The following MRTFB variants were observed in gnomAD, a reference collection of about 807,000 sequenced individuals.
MRTFB encodes the protein myocardin-related transcription factor B.
In MRTFB, 29 loss-of-function variants were observed where a neutral mutation model predicts 104.2. The ratio of observed to expected loss-of-function variants is 0.28; its 90% CI spans 0.21 to 0.38. MRTFB has a LOEUF of 0.38. MRTFB is among the 10% of genes least tolerant of loss of function. The pLI is 1.00. For synonymous variants in MRTFB, 535 were observed against 519.5 expected, an observed-to-expected ratio of 1.03 and a Z score of -0.41; for missense variants, 1,270 against 1,341.6, an observed-to-expected ratio of 0.95 and a Z score of 0.83.
intron 3 of MRTFB, among the ~76,000 whole-genome samples, chr16:14,148,416 TG>T (rs1275525353): frequency 5.3e-5 from 8 of 152,208 alleles, no homozygotes; most frequent in African/African-American, 1.9e-4. Flanking sequence ...GGGAATGTAC[TG>T]GAAAAAAGTG....
chr16:14,071,446 G>A (rs577084181), intron 1 of MRTFB, 81 bp downstream of exon 1: 270 of 152,994 alleles, frequency 1.8e-3, no homozygotes, highest in Non-Finnish European at 3.3e-3. Context: ...GGGGGAGCGG[G>A]CCTGGTGAAC....
At chr16:14,038,087 CA>C in the MRTFB span, among the ~76,000 whole-genome samples, 9 of 152,248 alleles carry the variant, frequency 5.9e-5, no homozygotes, top group South Asian at 1.7e-3. Context: ...CTTATTTTCT[CA>C]CAGTTCTGGA....
At chr16:14,254,444 A>C (rs2043392379) in intron 15 of MRTFB, among the ~76,000 whole-genome samples, 1 of 152,220 alleles carries the variant, frequency 6.6e-6, no homozygotes, top group South Asian at 2.1e-4. Flanking sequence ...GCTAAGTGGC[A>C]GGGTTACTGG....
At chr16:14,256,208 A>AAC (rs1555461885) in intron 15 of MRTFB, among the ~76,000 whole-genome samples, 3 of 150,808 alleles carry the variant, frequency 2.0e-5, no homozygotes, top group Non-Finnish European at 4.4e-5. Context: ...AAAAAAAAAA[A>AAC]CCCCAGATGG....
At position 14,097,540 on chromosome 16, in the gene MRTFB, TATAAA is replaced by T. The variant is rs2035453967; in HGVS notation, c.-64+18189_-64+18193del. ...AAAAGGGACAATTCAAATGGGATAT[TATAAA>T]ATGTAAACTGTTCTTTTTGTAAACA... On this transcript the variant is annotated intron_variant, in intron 2 of 16. Coordinates refer to ENST00000571589, the MANE Select transcript of MRTFB (RefSeq NM_001308142.2). 5.9e-5 allele frequency among the ~76,000 whole-genome samples: 9 copies of T among 152,354 alleles called. No homozygotes were observed. In the South Asian group the frequency reaches 1.9e-3, roughly 32 times the overall value.
chr16:14,034,718 T>C, the MRTFB span, among the ~76,000 whole-genome samples: 2 of 152,090 alleles, frequency 1.3e-5, no homozygotes, highest in Admixed American at 1.3e-4. Context: ...AAAACACCAG[T>C]ATTATTGGAT....
chr16:14,200,147 A>T, intron 3 of MRTFB: 1 of 697,060 alleles, frequency 1.4e-6, no homozygotes, highest in South Asian at 2.0e-5. Context: ...ATTTATAGGT[A>T]TATCATCAAA....
rs539759903 is a variant in MRTFB, at chr16:14,264,658, C to G, written c.*3214C>G. 1 of 152,294 alleles carries G rather than the reference C, an allele frequency of 6.6e-6. No individual in the cohort carries two copies. Among genetic ancestry groups the G allele is most frequent in the African/African-American group, 2.4e-5 (1 of 41,560 alleles). The allele number at this position is 152,294 out of a possible 1,614,324, so 9.4% of individuals were successfully genotyped here. On this transcript the variant is annotated 3_prime_UTR_variant, in exon 17 of 17. Coordinates refer to ENST00000571589, the MANE Select transcript of MRTFB (RefSeq NM_001308142.2). ...TTTAAAAGCCGCATGGTTCTGTGAT[C>G]CATGTAACTGACACTTTTTGGCTTT...
the MRTFB span, among the ~76,000 whole-genome samples, chr16:13,997,683 C>G: frequency 1.4e-5 from 2 of 147,844 alleles, no homozygotes; most frequent in East Asian, 3.9e-4. Flanking sequence ...GTCCCAGCTA[C>G]TTGGAAGGCT....
At chr16:14,127,661 T>G (rs1355701566) in intron 2 of MRTFB, among the ~76,000 whole-genome samples, 1 of 142,344 alleles carries the variant, frequency 7.0e-6, no homozygotes, top group African/African-American at 2.6e-5. Flanking sequence ...AAAAAAAAAA[T>G]AATGACGAAA....
chr16:14,051,362 T>C, the MRTFB span, among the ~76,000 whole-genome samples: 1 of 151,358 alleles, frequency 6.6e-6, no homozygotes, highest in Admixed American at 6.6e-5. Flanking sequence ...TACATACCTA[T>C]AGGCATACAA....
chr16:14,250,622 C>T (rs1306994126), intron 13 of MRTFB, among the ~76,000 whole-genome samples: 3 of 152,148 alleles, frequency 2.0e-5, no homozygotes, highest in Non-Finnish European at 4.4e-5. Flanking sequence ...GAAAGGGGGC[C>T]AGGTAGTAAG....
intron 3 of MRTFB, among the ~76,000 whole-genome samples, chr16:14,192,989 G>A (rs2040255494): frequency 6.6e-6 from 1 of 151,974 alleles, no homozygotes; most frequent in South Asian, 2.1e-4. Flanking sequence ...TCTGTCCACA[G>A]CACTGTATCA....
chr16:14,110,946 C>T (rs113891453), intron 2 of MRTFB, among the ~76,000 whole-genome samples: 3,689 of 152,280 alleles, frequency 0.024, 66 homozygotes, highest in Middle Eastern at 0.085. Context: ...GCTCAGAAAT[C>T]ATCAACCTGC....
intron 3 of MRTFB, among the ~76,000 whole-genome samples, chr16:14,178,232 G>T (rs1388353613): frequency 2.6e-5 from 4 of 152,186 alleles, no homozygotes; most frequent in Middle Eastern, 6.8e-3. Context: ...GGAGTGGGAA[G>T]GTTCTGTAGC....
chr16:14,050,162 C>G, the MRTFB span, among the ~76,000 whole-genome samples: 1 of 145,758 alleles, frequency 6.9e-6, no homozygotes, highest in Non-Finnish European at 1.5e-5. Flanking sequence ...GACAGACAGA[C>G]AGACACACAC....
the MRTFB span, among the ~76,000 whole-genome samples, chr16:14,005,231 G>T: frequency 6.6e-6 from 1 of 152,218 alleles, no homozygotes; most frequent in Admixed American, 6.5e-5. Flanking sequence ...GTAATGAAGG[G>T]AGCTCTCTTC....
chr16:14,235,122 A>G (rs569422294), intron 9 of MRTFB, among the ~76,000 whole-genome samples: 25 of 152,296 alleles, frequency 1.6e-4, no homozygotes, highest in Middle Eastern at 3.4e-3. Flanking sequence ...TGCCTCCCCA[A>G]CCTGTTGCAG....
chr16:14,122,092 C>G (rs1167846655), intron 2 of MRTFB, among the ~76,000 whole-genome samples: 1 of 152,022 alleles, frequency 6.6e-6, no homozygotes, highest in African/African-American at 2.4e-5. Context: ...CAGGCTGCCT[C>G]CACTCTCCCT....
Sources: gnomAD v4.1 joint callset for allele counts (sites outside exome capture counted in the v4.1 genomes callset) on GRCh38, gnomAD v4.1.1 for gene constraint, MANE v1.5 for transcripts, NCBI Gene and HGNC (gene_info 2026-07-23, HGNC 2026-07-21) for gene names.